The following CAMSAP1 variants were observed in gnomAD, a reference collection of about 807,000 sequenced individuals.
CAMSAP1 encodes the protein calmodulin regulated spectrin associated protein 1.
Under a neutral mutation model 143.5 loss-of-function variants are expected in CAMSAP1, and 58 were observed. The ratio of observed to expected loss-of-function variants is 0.40; its 90% CI spans 0.33 to 0.50. The LOEUF is 0.50. CAMSAP1 is among the 20% of genes least tolerant of loss of function. CAMSAP1 has a pLI of 0.45. For missense variants in CAMSAP1, 1,969 were observed against 2,115.7 expected (o/e 0.93, Z 1.36); for synonymous variants, 945 against 859.3 (o/e 1.10, Z -1.74).
At chr9:135,885,901 G>GT (rs1211034723) in intron 1 of CAMSAP1, among the ~76,000 whole-genome samples, 1 of 152,152 alleles carries the variant, frequency 6.6e-6, no homozygotes, top group Non-Finnish European at 1.5e-5. Context: ...CCCCAACTGG[G>GT]TGACAGTGGC....
At chr9:135,864,165 A>T (rs78370020) in intron 4 of CAMSAP1, among the ~76,000 whole-genome samples, 2,062 of 152,242 alleles carry the variant, frequency 0.014, 50 homozygotes, top group African/African-American at 0.047. Flanking sequence ...TAAGGGACCC[A>T]CCACCCTTGG....
chr9:135,888,170 C>G (rs879823581), intron 1 of CAMSAP1, among the ~76,000 whole-genome samples: 4 of 152,238 alleles, frequency 2.6e-5, no homozygotes, highest in African/African-American at 9.6e-5. Flanking sequence ...CCTACCTGTC[C>G]GTTCCGAACA....
Position 135,822,653 on chromosome 9 carries a change from G to T in CAMSAP1, c.2008C>A (p.Leu670Met). The T allele has an allele frequency of 6.2e-7, 1 of 1,610,114 alleles. No homozygotes were observed. Residue 670 changes from leucine to methionine, a missense_variant, in exon 11 of 17, where the codon CTG (leucine) becomes ATG (methionine). Around this residue, in one of 4 missense-constraint regions of CAMSAP1, gnomAD observed 1,390 missense variants for 1,420.8 expected, o/e 0.98. Coordinates refer to ENST00000389532, the MANE Select transcript of CAMSAP1 (RefSeq NM_015447.4). This position sits in a 1 kb window ranked among gnomAD's most constrained non-coding sequence, Gnocchi z 6.1. ...ACCTCTCCTGCGGTTTCCACTGACA[G>T]TGGTCCTGTCTCGGTGGGGTCGATG... ...MGIDPTETGP[L>M]SVETAGEVCG...
At chr9:135,881,572 A>C (rs1456095880) in intron 3 of CAMSAP1, 61 bp downstream of exon 3, 1 of 1,532,122 alleles carries the variant, frequency 6.5e-7, no homozygotes, top group African/African-American at 1.4e-5. Context: ...GCTGCTCTCA[A>C]GTGAAAAGGA....
chr9:135,859,784 G>A (rs1488980680), intron 5 of CAMSAP1, among the ~76,000 whole-genome samples: 1 of 152,084 alleles, frequency 6.6e-6, no homozygotes, highest in Admixed American at 6.5e-5. Context: ...CTGTTCACAT[G>A]ATCATAATTG....
chr9:135,873,198 C>G (rs1003339396), intron 3 of CAMSAP1, among the ~76,000 whole-genome samples: 1 of 152,100 alleles, frequency 6.6e-6, no homozygotes, highest in Non-Finnish European at 1.5e-5. Flanking sequence ...CTTTAAGTAT[C>G]TGAAAATTAA....
chr9:135,890,676 C>A (rs919975770), intron 1 of CAMSAP1, among the ~76,000 whole-genome samples: 2 of 152,160 alleles, frequency 1.3e-5, no homozygotes, highest in African/African-American at 2.4e-5. Flanking sequence ...CAGGGCCTCG[C>A]GTGGGGTGAC....
chr9:135,852,686 G>A (rs1836823728), intron 5 of CAMSAP1, among the ~76,000 whole-genome samples: 1 of 152,210 alleles, frequency 6.6e-6, no homozygotes, highest in South Asian at 2.1e-4. Context: ...GACTGCCCCG[G>A]AACCAAAACC....
intron 5 of CAMSAP1, among the ~76,000 whole-genome samples, chr9:135,851,857 C>G (rs144558758): frequency 6.6e-6 from 1 of 152,234 alleles, no homozygotes; most frequent in Non-Finnish European, 1.5e-5. Flanking sequence ...GCTGTCTATG[C>G]GTGTACAGAC....
chr9:135,869,821 A>G (rs531149408), intron 3 of CAMSAP1, among the ~76,000 whole-genome samples: 2 of 152,362 alleles, frequency 1.3e-5, no homozygotes, highest in East Asian at 1.9e-4. Context: ...ACGAGGCGTA[A>G]GCACACAGTG....
chr9:135,862,398 G>C (rs1837231753), intron 5 of CAMSAP1, 69 bp downstream of exon 5: 1 of 1,426,770 alleles, frequency 7.0e-7, no homozygotes, highest in Non-Finnish European at 9.5e-7. Context: ...TATATATGTG[G>C]ATCAATGTAC....
In CAMSAP1 at chr9:135,882,978, C is replaced by T; in HGVS notation, c.261G>A (p.Leu87=). ...GGATGAGGCTGCAGACACGGCAGTA[C>T]AGCTCGCTGGACAGGAGAAGCTTGA... ...PVIKLLLSSE[L]YCRVCSLILK... is the part of the protein sequence containing the mutation. Residue 87 remains leucine, a synonymous_variant, in exon 2 of 17, where the codon CTG becomes CTA. Coordinates refer to ENST00000389532, the MANE Select transcript of CAMSAP1 (RefSeq NM_015447.4). This position sits in a 1 kb window ranked among gnomAD's most constrained non-coding sequence, Gnocchi z 4.9. The T allele has an allele frequency of 1.3e-6, 2 of 1,551,754 alleles. No individual in the cohort carries two copies. The highest frequency in any genetic ancestry group is 2.7e-5 in the African/African-American group (2 of 73,184).
chr9:135,867,757 G>C (rs1174749886), intron 3 of CAMSAP1, among the ~76,000 whole-genome samples: 2 of 152,134 alleles, frequency 1.3e-5, no homozygotes, highest in Non-Finnish European at 2.9e-5. Flanking sequence ...ATACAGAAAA[G>C]ATAATTTAAA....
chr9:135,821,554 T>C lies in CAMSAP1; in HGVS notation c.3107A>G (p.Gln1036Arg). The change falls in exon 11 of 17, where the codon CAG becomes CGG. Residue 1036 changes from glutamine to arginine, a missense_variant. Gln to Arg is a conservative substitution (Grantham distance 43). This residue lies in a region of CAMSAP1 where 1,390 missense variants were observed against 1,420.8 expected (regional missense o/e 0.98). Transcript: ENST00000389532. This position sits in a 1 kb window ranked among gnomAD's most constrained non-coding sequence, Gnocchi z 4.6. ...KLNETISTLQQAILKISQQQE... is the reference protein window; with the variant it reads ...KLNETISTLQRAILKISQQQE... Reference sequence around the variant, plus strand: ...CTGCTGAGAGATTTTCAGGATGGCCTGCTGCAGCGTACTGATGGTTTCGTT... The same window carrying C: ...CTGCTGAGAGATTTTCAGGATGGCCCGCTGCAGCGTACTGATGGTTTCGTT... 6.2e-7 allele frequency: 1 copy of C among 1,613,992 alleles called. No homozygotes were observed. The highest frequency in any genetic ancestry group is 1.1e-5 in the South Asian group (1 of 91,072).
intron 1 of CAMSAP1, among the ~76,000 whole-genome samples, chr9:135,897,727 G>C (rs906665398): frequency 4.6e-5 from 7 of 152,052 alleles, no homozygotes; most frequent in African/African-American, 1.7e-4. Flanking sequence ...GGACATGCTG[G>C]ACAAAGGGAT....
At chr9:135,850,906 C>T (rs1392876823) in intron 5 of CAMSAP1, among the ~76,000 whole-genome samples, 2 of 152,256 alleles carry the variant, frequency 1.3e-5, no homozygotes, top group South Asian at 2.1e-4. Context: ...GGCTCATCCA[C>T]GCCCACTCAG....
intron 11 of CAMSAP1, among the ~76,000 whole-genome samples, chr9:135,819,390 A>T (rs1026374301): frequency 1.3e-5 from 2 of 152,224 alleles, no homozygotes; most frequent in Non-Finnish European, 2.9e-5. Flanking sequence ...CTTAAAAAGT[A>T]CACGTATATT....
intron 7 of CAMSAP1, among the ~76,000 whole-genome samples, chr9:135,841,656 A>G (rs745482847): frequency 4.6e-5 from 7 of 152,244 alleles, no homozygotes; most frequent in Non-Finnish European, 1.0e-4. Flanking sequence ...AGGAAGGAAC[A>G]GGCAGCAATC....
intron 1 of CAMSAP1, among the ~76,000 whole-genome samples, chr9:135,889,819 G>A (rs1462829923): frequency 6.6e-6 from 1 of 152,192 alleles, no homozygotes; most frequent in Non-Finnish European, 1.5e-5. Flanking sequence ...CTGAGGCCCG[G>A]CCGGCCACCC....
Sources: gnomAD v4.1 joint callset for allele counts (sites outside exome capture counted in the v4.1 genomes callset) on GRCh38, gnomAD v4.1.1 for gene constraint, gnomAD v4.1.1 regional missense constraint, Gnocchi (gnomAD v3.1) non-coding constraint, MANE v1.5 for transcripts, NCBI Gene and HGNC (gene_info 2026-07-23, HGNC 2026-07-21) for gene names.